NBAS: variants seen among roughly 807,000 people sequenced by gnomAD.
NBAS encodes the protein NAG/BC035112 fusion.
In NBAS, 219 loss-of-function variants were observed where a neutral mutation model predicts 302.5. The ratio of observed to expected loss-of-function variants is 0.72; its 90% CI spans 0.65 to 0.81. The LOEUF (loss-of-function observed/expected upper bound fraction) is 0.81. NBAS is among the 30% of genes least tolerant of loss of function. The pLI, the probability that NBAS is intolerant of heterozygous loss-of-function variation, is 0.00. For synonymous variants in NBAS, 1,118 were observed against 1,021.6 expected, an observed-to-expected ratio of 1.09 and a Z score of -1.80; for missense variants, 2,932 against 2,841.6, an observed-to-expected ratio of 1.03 and a Z score of -0.72.
chr2:15,500,825 G>A (rs1364073917), intron 11 of NBAS, among the ~76,000 whole-genome samples: 2 of 151,744 alleles, frequency 1.3e-5, no homozygotes, highest in Non-Finnish European at 2.9e-5. Context: ...TCAGGAGGCT[G>A]AGGCAGGAGA....
the NBAS span, among the ~76,000 whole-genome samples, chr2:15,035,647 T>A: frequency 6.6e-6 from 1 of 152,216 alleles, no homozygotes; most frequent in African/African-American, 2.4e-5. Context: ...TATCATGGAA[T>A]ACTATGCAGC....
At chr2:15,314,212 C>T (rs1357588841) in intron 38 of NBAS, among the ~76,000 whole-genome samples, 1 of 151,910 alleles carries the variant, frequency 6.6e-6, no homozygotes, top group African/African-American at 2.4e-5. Context: ...AAAAACTATC[C>T]AGACATGATG....
chr2:15,508,961 G>T (rs1196250559), intron 10 of NBAS, among the ~76,000 whole-genome samples: 1 of 151,966 alleles, frequency 6.6e-6, no homozygotes, highest in Non-Finnish European at 1.5e-5. Context: ...CAAGAAAGCC[G>T]CAGACATCAT....
At chr2:14,922,843 C>T in the NBAS span, among the ~76,000 whole-genome samples, 1 of 152,184 alleles carries the variant, frequency 6.6e-6, no homozygotes, top group East Asian at 1.9e-4. Flanking sequence ...TTACTTGCTA[C>T]TCATCCTTGA....
chr2:15,301,929 A>G (rs888969917), intron 40 of NBAS, among the ~76,000 whole-genome samples: 4 of 152,230 alleles, frequency 2.6e-5, no homozygotes, highest in African/African-American at 7.2e-5. Context: ...ATGCTGGGGC[A>G]ACGGGAGATC....
intron 6 of NBAS, among the ~76,000 whole-genome samples, chr2:15,544,346 G>T (rs767536925): frequency 2.0e-5 from 3 of 151,946 alleles, no homozygotes; most frequent in Non-Finnish European, 2.9e-5. Context: ...AAGAAAAAAA[G>T]TGACAAATGG....
chr2:14,980,213 G>A, the NBAS span, among the ~76,000 whole-genome samples: 2 of 152,048 alleles, frequency 1.3e-5, no homozygotes, highest in African/African-American at 2.4e-5. Context: ...AAGATGCCTG[G>A]TCAGGCCCCC....
intron 44 of NBAS, among the ~76,000 whole-genome samples, chr2:15,245,842 T>C (rs954134349): frequency 5.3e-5 from 8 of 152,174 alleles, no homozygotes; most frequent in African/African-American, 1.9e-4. Flanking sequence ...AGAGTCTCTA[T>C]TAGACACTCT....
At chr2:15,347,612 A>G (rs1673155877) in intron 35 of NBAS, among the ~76,000 whole-genome samples, 2 of 152,214 alleles carry the variant, frequency 1.3e-5, no homozygotes, top group East Asian at 1.9e-4. Flanking sequence ...GCTTTCCCAC[A>G]GTGCAAATGA....
intron 35 of NBAS, among the ~76,000 whole-genome samples, chr2:15,349,161 G>A (rs1017314398): frequency 6.6e-6 from 1 of 152,194 alleles, no homozygotes; most frequent in African/African-American, 2.4e-5. Flanking sequence ...GGATGATGCT[G>A]GAGGCAGGCA....
intron 10 of NBAS, among the ~76,000 whole-genome samples, chr2:15,507,227 T>C (rs1223885416): frequency 6.6e-6 from 1 of 152,172 alleles, no homozygotes; most frequent in Non-Finnish European, 1.5e-5. Flanking sequence ...CAAGGACAGT[T>C]CCTCTGTCTG....
chr2:15,356,416 C>T lies in NBAS; in HGVS notation c.3818G>A (p.Gly1273Asp), dbSNP rs1343440024. The change falls in exon 33 of 52, where the codon GGT (glycine) becomes GAT (aspartate). Residue 1273 changes from glycine to aspartate, a missense_variant and splice_region_variant. By Grantham distance (94) the Gly-to-Asp change is moderately conservative. Transcript: ENST00000281513. ...LGLAELLRVA[G>D]ENPEERRGQV... is the part of the protein sequence containing the mutation. Reference sequence around the variant, plus strand: ...TCCCCGCCTTTCTTCTGGGTTCTCACCTGTAAGTCCAAGCAAAGGACTTAA... The same window carrying T: ...TCCCCGCCTTTCTTCTGGGTTCTCATCTGTAAGTCCAAGCAAAGGACTTAA... 1.9e-6 allele frequency: 3 copies of T among 1,610,642 alleles called. No homozygotes were observed. The African/African-American group carries it at 4.0e-5, about 22-fold the overall frequency.
chr2:15,431,521 A>G (rs150280986), intron 21 of NBAS, among the ~76,000 whole-genome samples: 1 of 152,164 alleles, frequency 6.6e-6, no homozygotes, highest in Non-Finnish European at 1.5e-5. Context: ...TCAGCACCCA[A>G]AATAGTATCT....
intron 27 of NBAS, among the ~76,000 whole-genome samples, chr2:15,395,251 T>C (rs75425014): frequency 0.014 from 2,057 of 152,192 alleles, 31 homozygotes; most frequent in East Asian, 0.059. Flanking sequence ...TACGTTTATT[T>C]CACTGTATCT....
chr2:14,805,288 G>C, the NBAS span, among the ~76,000 whole-genome samples: 2 of 152,114 alleles, frequency 1.3e-5, no homozygotes, highest in African/African-American at 2.4e-5. Context: ...AAGTTAAATA[G>C]TGTCGCAAAG....
the NBAS span, among the ~76,000 whole-genome samples, chr2:14,902,071 G>A: frequency 6.6e-6 from 1 of 152,126 alleles, no homozygotes; most frequent in African/African-American, 2.4e-5. Flanking sequence ...TCTTTCTTCT[G>A]TAAAATGGGA....
At chr2:14,873,521 T>A in the NBAS span, among the ~76,000 whole-genome samples, 17 of 152,292 alleles carry the variant, frequency 1.1e-4, no homozygotes, top group East Asian at 3.1e-3. Flanking sequence ...CTGGCCAGAA[T>A]ATGCATGCTT....
the NBAS span, among the ~76,000 whole-genome samples, chr2:15,084,681 G>A: frequency 6.7e-6 from 1 of 148,574 alleles, no homozygotes; most frequent in Non-Finnish European, 1.5e-5. Context: ...CACCATATCG[G>A]CGGGGCGGGG....
At chr2:15,155,716 C>A in the NBAS span, among the ~76,000 whole-genome samples, 1 of 152,234 alleles carries the variant, frequency 6.6e-6, no homozygotes, top group African/African-American at 2.4e-5. Flanking sequence ...GGGCTCTGCA[C>A]TTCTAGTCAT....
Sources: gnomAD v4.1 joint callset for allele counts (sites outside exome capture counted in the v4.1 genomes callset) on GRCh38, gnomAD v4.1.1 for gene constraint, MANE v1.5 for transcripts, NCBI Gene and HGNC (gene_info 2026-07-23, HGNC 2026-07-21) for gene names.